HUWE1: variants seen among roughly 807,000 people sequenced by gnomAD.
The protein encoded by HUWE1 is E3 ubiquitin-protein ligase HUWE1.
Under a neutral mutation model 299.4 loss-of-function variants are expected in HUWE1, and 18 were observed. The observed-to-expected ratio is 0.06, with a 90% confidence interval of 0.04 to 0.09. The LOEUF (loss-of-function observed/expected upper bound fraction) is 0.09. Ranked by LOEUF, HUWE1 falls within the 10% of genes least tolerant of loss-of-function variation. The probability of loss-of-function intolerance (pLI) is 1.00; values close to 1 mark genes in which losing one functional copy is unlikely to be tolerated. For missense variants in HUWE1, 1,832 were observed against 3,462.3 expected (o/e 0.53, Z 11.82); for synonymous variants, 1,317 against 1,286.1 (o/e 1.02, Z -0.51).
intron 19 of HUWE1, among the ~76,000 whole-genome samples, chrX:53,621,264 T>C (rs1401769148): frequency 9.1e-6 from 1 of 110,216 alleles, no homozygotes. Flanking sequence ...TTGGCCTGTC[T>C]ATACCTCATT....
intron 3 of HUWE1, among the ~76,000 whole-genome samples, chrX:53,677,085 A>AC (rs2069858976): frequency 7.4e-5 from 3 of 40,778 alleles, no homozygotes; most frequent in African/African-American, 2.6e-4. Flanking sequence ...ACACCCCCCC[A>AC]CCCCACCCCC....
intron 74 of HUWE1, among the ~76,000 whole-genome samples, chrX:53,540,442 C>T (rs2061291282): frequency 9.0e-6 from 1 of 111,106 alleles, no homozygotes; most frequent in Admixed American, 9.5e-5. Context: ...GATTCTCCAG[C>T]CTCAGCCTCC....
intron 47 of HUWE1, among the ~76,000 whole-genome samples, chrX:53,572,186 CAAAAAAGAGA>C (rs1279788676): frequency 6.3e-5 from 7 of 111,011 alleles, no homozygotes; most frequent in Non-Finnish European, 1.3e-4. Context: ...AGAAGCCAGG[CAAAAAAGAGA>C]GTACATTCTA....
chrX:53,668,920 A>G (rs957543309), intron 3 of HUWE1, among the ~76,000 whole-genome samples: 1 of 112,115 alleles, frequency 8.9e-6, no homozygotes, highest in East Asian at 2.8e-4. Context: ...TTTGATGACA[A>G]TGAGATTGGG....
At chrX:53,584,851 T>C (rs1359616985) in intron 40 of HUWE1, among the ~76,000 whole-genome samples, 161 bp downstream of exon 40, 1 of 111,805 alleles carries the variant, frequency 8.9e-6, no homozygotes, top group Non-Finnish European at 1.9e-5. Flanking sequence ...AGAAGAATTG[T>C]CTTGGGCCAC....
At chrX:53,654,007 A>T (rs2068628447) in intron 4 of HUWE1, 56 bp downstream of exon 4, 1 of 874,065 alleles carries the variant, frequency 1.1e-6, no homozygotes, top group South Asian at 2.1e-5. Flanking sequence ...GTTCACAAAT[A>T]TTTTTTTATT....
rs1556941898 is a variant in HUWE1, at chrX:53,562,216, A to C, written c.7233T>G (p.Asp2411Glu). ...EDSMNILDPE[D>E]EEEHTQEEDS... ...CCTCTTCCTGAGTGTGCTCCTCCTC[A>C]TCCTCAGGGTCCAGGATATTCATGG... Residue 2411 changes from aspartate (D) to glutamate (E), a missense_variant, in exon 54 of 84, where the codon GAT becomes GAG. By Grantham distance (45) the Asp-to-Glu change is conservative. This residue lies in a region of HUWE1 where 170 missense variants were observed against 335.8 expected (regional missense o/e 0.51). Coordinates refer to ENST00000262854, the MANE Select transcript of HUWE1 (RefSeq NM_031407.7). The C allele has an allele frequency of 8.3e-7, 1 of 1,206,896 alleles. No individual in the cohort carries two copies. Among genetic ancestry groups the C allele is most frequent in the Non-Finnish European group, 1.1e-6 (1 of 891,440 alleles).
Position 53,565,077 on chromosome X carries a change from C to G in HUWE1, c.6870G>C (p.Gln2290His), listed in dbSNP as rs1556944376. The G allele has an allele frequency of 8.3e-7, 1 of 1,211,197 alleles. No individual in the cohort carries two copies. Among genetic ancestry groups the G allele is most frequent in the Non-Finnish European group, 1.1e-6 (1 of 895,020 alleles). The change falls in exon 50 of 84, where the codon CAG (glutamine) becomes CAC (histidine). Residue 2290 changes from glutamine to histidine, a missense_variant. This residue lies in a region of HUWE1 where 26 missense variants were observed against 20.7 expected (regional missense o/e 1.26). Coordinates refer to ENST00000262854, the MANE Select transcript of HUWE1 (RefSeq NM_031407.7). The stretch of plus-strand genomic sequence containing the variant: ...GCTCTGATTCCCTACCTGGGTCCTG[C>G]TGGTTGCTACTGGAATCTTGAGAGG... ...QGASQDSSSN[Q>H]QDPGEPGEAE... is the part of the protein sequence containing the mutation.
intron 55 of HUWE1, among the ~76,000 whole-genome samples, 163 bp from the exon 56 acceptor site, chrX:53,560,579 T>C (rs1039496802): frequency 2.7e-5 from 3 of 111,680 alleles, no homozygotes; most frequent in East Asian, 2.8e-4. Context: ...GACACTACCA[T>C]AGCTTATGCC....
Position 53,539,745 on chromosome X carries a change from G to A in HUWE1, c.11544C>T (p.Ser3848=). The A allele has an allele frequency of 8.3e-7, 1 of 1,210,252 alleles. No homozygotes were observed. Among genetic ancestry groups the A allele is most frequent in the Non-Finnish European group, 1.1e-6 (1 of 894,034 alleles). ...EERPPELPLL[S]EQLSLDELWD... is the part of the protein sequence containing the mutation. Reference sequence around the variant, plus strand: ...ACAGCTCGTCCAAACTCAGCTGCTCGCTGAGCAGGGGTAACTCAGGTGGTC... The same window carrying A: ...ACAGCTCGTCCAAACTCAGCTGCTCACTGAGCAGGGGTAACTCAGGTGGTC... Residue 3848 remains serine (S), a synonymous_variant, in exon 75 of 84, where the codon AGC becomes AGT. Transcript: ENST00000262854.
intron 70 of HUWE1, 84 bp from the exon 71 acceptor site, chrX:53,545,245 TA>T (rs1424894474): frequency 6.0e-5 from 56 of 939,045 alleles, no homozygotes; most frequent in South Asian, 1.9e-4. Context: ...GACACCTGCT[TA>T]GGCCACTCTT....
rs1819780756 is a variant in HUWE1, at chrX:53,589,652, A to T, written c.4356T>A (p.Asp1452Glu). 2 of 1,211,663 alleles carry T rather than the reference A, an allele frequency of 1.7e-6. No homozygotes were observed. The highest frequency in any genetic ancestry group is 2.2e-6 in the Non-Finnish European group (2 of 895,385). ...TMLPGCFHLL[D>E]ELPDTVYRVC... is the part of the protein sequence containing the mutation. Reference sequence around the variant, plus strand: ...CACGGTATACTGTGTCTGGCAGCTCATCAAGAAGGTGGAAGCAGCCTGGCA... The same window carrying T: ...CACGGTATACTGTGTCTGGCAGCTCTTCAAGAAGGTGGAAGCAGCCTGGCA... The change falls in exon 36 of 84, where the codon GAT becomes GAA. Residue 1452 changes from aspartate (D) to glutamate (E), a missense_variant. Transcript: ENST00000262854.
At chrX:53,661,945 T>C (rs993597504) in intron 3 of HUWE1, among the ~76,000 whole-genome samples, 7 of 111,972 alleles carry the variant, frequency 6.3e-5, no homozygotes, top group African/African-American at 2.3e-4. Context: ...TCATATTCTA[T>C]AGTAATCACC....
chrX:53,566,041 C>G (rs1323435441), intron 49 of HUWE1, among the ~76,000 whole-genome samples: 2 of 104,824 alleles, frequency 1.9e-5, no homozygotes, highest in Non-Finnish European at 3.9e-5. Context: ...CCCACTAACA[C>G]CAGAGCAGCT....
At chrX:53,566,123 G>C (rs1188247259) in intron 49 of HUWE1, among the ~76,000 whole-genome samples, 5 of 37,311 alleles carry the variant, frequency 1.3e-4, no homozygotes, top group African/African-American at 5.1e-4. Context: ...ATGTATGTGT[G>C]TGTGTGTGTG....
At chrX:53,650,250 G>A (rs1557039185) in intron 4 of HUWE1, among the ~76,000 whole-genome samples, 1 of 112,199 alleles carries the variant, frequency 8.9e-6, no homozygotes, top group African/African-American at 3.2e-5. Flanking sequence ...AAATCCAAAC[G>A]CATCACACAT....
In HUWE1 at chrX:53,589,691, G is replaced by A. The variant is rs781934280; in HGVS notation, c.4317C>T (p.Phe1439=). 31 of 1,209,765 alleles carry A rather than the reference G, an allele frequency of 2.6e-5. No homozygotes were observed. The highest frequency in any genetic ancestry group is 3.2e-5 in the Non-Finnish European group (29 of 895,192). The change falls in exon 36 of 84, where the codon TTC becomes TTT. Residue 1439 remains phenylalanine (F), a synonymous_variant. Transcript: ENST00000262854. ...AGCAGCCTGGCAACATAGTATCTGT[G>A]AAAGTGTGGAGCTCATCTTGTTCCA... ...DPLEQDELHT[F]TDTMLPGCFH... is the part of the protein sequence containing the mutation.
At chrX:53,636,298 T>TA (rs1206470819) in intron 7 of HUWE1, among the ~76,000 whole-genome samples, 1 of 112,954 alleles carries the variant, frequency 8.9e-6, no homozygotes, top group Non-Finnish European at 1.9e-5. Flanking sequence ...AAACAGTGAA[T>TA]AAACTGACTG....
Position 53,534,070 on chromosome X carries a change from A to C in HUWE1, c.12959T>G (p.Ile4320Ser), listed in dbSNP as rs782506805. The change falls in exon 83 of 84, where the codon ATT becomes AGT. Residue 4320 changes from isoleucine (I) to serine (S), a missense_variant. This residue lies in a region of HUWE1 where 129 missense variants were observed against 439.4 expected (regional missense o/e 0.29). Transcript: ENST00000262854. ...GFAALEGMNG[I>S]QKFQIHRDDR... ...ATCTCGATGGATCTGAAACTTCTGA[A>C]TGCCATTCATGCCTTCGAGGGCAGC... The C allele has an allele frequency of 8.3e-7, 1 of 1,211,154 alleles. No individual in the cohort carries two copies. Among genetic ancestry groups the C allele is most frequent in the Non-Finnish European group, 1.1e-6 (1 of 894,905 alleles).
Sources: gnomAD v4.1 joint callset for allele counts (sites outside exome capture counted in the v4.1 genomes callset) on GRCh38, gnomAD v4.1.1 for gene constraint, gnomAD v4.1.1 regional missense constraint, MANE v1.5 for transcripts, NCBI Gene and HGNC (gene_info 2026-07-23, HGNC 2026-07-21) for gene names.